Variants in PRKCA observed in about 807,000 individuals in gnomAD.
PRKCA encodes the protein protein kinase C alpha, also known as protein kinase C alpha type.
In PRKCA, 27 loss-of-function variants were observed where a neutral mutation model predicts 87.0. That is an observed-to-expected ratio of 0.31 (90% CI 0.23 to 0.43). The LOEUF is 0.43. Among genes scored for constraint, PRKCA ranks in the 20% least tolerant of loss-of-function variants. The pLI is 1.00. For synonymous variants in PRKCA, 329 were observed against 311.1 expected (o/e 1.06, Z -0.61); for missense variants, 518 against 852.3 (o/e 0.61, Z 4.88).
At chr17:66,406,248 G>A (rs944915422) in intron 2 of PRKCA, among the ~76,000 whole-genome samples, 1 of 152,144 alleles carries the variant, frequency 6.6e-6, no homozygotes, top group Non-Finnish European at 1.5e-5. Flanking sequence ...ACGGGGTGGG[G>A]GAGGGAAAGC....
chr17:66,438,053 C>T (rs1335985012), intron 2 of PRKCA, among the ~76,000 whole-genome samples: 1 of 151,978 alleles, frequency 6.6e-6, no homozygotes, highest in Non-Finnish European at 1.5e-5. Context: ...AACTCCCAAA[C>T]CCTCAAAGAG....
chr17:66,342,428 A>G (rs1177034405), intron 2 of PRKCA, among the ~76,000 whole-genome samples: 1 of 124,532 alleles, frequency 8.0e-6, no homozygotes, highest in East Asian at 2.1e-4. Context: ...TCTCAAAAAA[A>G]ATAAAATAAA....
intron 3 of PRKCA, among the ~76,000 whole-genome samples, chr17:66,623,989 G>A (rs901512315): frequency 6.6e-6 from 1 of 152,154 alleles, no homozygotes; most frequent in Non-Finnish European, 1.5e-5. Context: ...GTAGGGGGCT[G>A]TACCCAAAGA....
chr17:66,558,249 T>G (rs1166854995), intron 3 of PRKCA, among the ~76,000 whole-genome samples: 4 of 152,240 alleles, frequency 2.6e-5, no homozygotes, highest in Non-Finnish European at 5.9e-5. Flanking sequence ...AGCATAAACA[T>G]TTCCCCTCCT....
intron 2 of PRKCA, among the ~76,000 whole-genome samples, chr17:66,410,869 C>A (rs1237652519): frequency 6.6e-6 from 1 of 152,100 alleles, no homozygotes; most frequent in African/African-American, 2.4e-5. Context: ...AGCCACCTTG[C>A]CCAGCCAGGT....
chr17:66,474,359 C>T (rs554101046), intron 2 of PRKCA, among the ~76,000 whole-genome samples: 1 of 152,166 alleles, frequency 6.6e-6, no homozygotes, highest in Non-Finnish European at 1.5e-5. Context: ...CTAAGGAGCT[C>T]TCCTGCCTGA....
intron 2 of PRKCA, among the ~76,000 whole-genome samples, chr17:66,336,141 AG>A (rs1906649218): frequency 6.6e-6 from 1 of 152,234 alleles, no homozygotes; most frequent in Non-Finnish European, 1.5e-5. Context: ...CCTGAAATAT[AG>A]GGAGTGCTTC....
chr17:66,615,956 C>A (rs1970506589), intron 3 of PRKCA, among the ~76,000 whole-genome samples: 1 of 152,200 alleles, frequency 6.6e-6, no homozygotes, highest in Admixed American at 6.5e-5. Flanking sequence ...ACATTCATTG[C>A]TTTTCTCTAG....
At chr17:66,459,896 G>C (rs1317591225) in intron 2 of PRKCA, among the ~76,000 whole-genome samples, 2 of 152,072 alleles carry the variant, frequency 1.3e-5, no homozygotes, top group Non-Finnish European at 2.9e-5. Flanking sequence ...TGTTTGTCAG[G>C]GTTACATGGT....
At chr17:66,307,261 T>C (rs897765086) in intron 2 of PRKCA, among the ~76,000 whole-genome samples, 16 of 152,302 alleles carry the variant, frequency 1.1e-4, no homozygotes, top group African/African-American at 3.8e-4. Flanking sequence ...AATCAAGGGA[T>C]ATTCCTTTTA....
At chr17:66,608,785 C>T (rs552664143) in intron 3 of PRKCA, among the ~76,000 whole-genome samples, 3 of 152,016 alleles carry the variant, frequency 2.0e-5, no homozygotes, top group South Asian at 4.2e-4. Flanking sequence ...AAGAAATAGG[C>T]CAAGAGTTGA....
chr17:66,513,005 T>G (rs761649309), intron 3 of PRKCA, among the ~76,000 whole-genome samples: 11 of 152,336 alleles, frequency 7.2e-5, no homozygotes, highest in Non-Finnish European at 1.5e-4. Context: ...CCTCATTATT[T>G]TCTATTACTT....
chr17:66,620,708 A>G (rs956806790), intron 3 of PRKCA, among the ~76,000 whole-genome samples: 3 of 152,220 alleles, frequency 2.0e-5, no homozygotes, highest in African/African-American at 7.2e-5. Flanking sequence ...AACACAGTGA[A>G]TAGTTTGCAT....
chr17:66,348,439 C>G (rs139882583), intron 2 of PRKCA, among the ~76,000 whole-genome samples: 41 of 152,240 alleles, frequency 2.7e-4, no homozygotes, highest in African/African-American at 9.1e-4. Flanking sequence ...CAAACGTCAA[C>G]ACAAGGAAAA....
chr17:66,428,006 G>A (rs1403745895), intron 2 of PRKCA, among the ~76,000 whole-genome samples: 3 of 152,112 alleles, frequency 2.0e-5, no homozygotes, highest in African/African-American at 7.2e-5. Flanking sequence ...TGCTGTGCTG[G>A]TACTGAGCAA....
intron 16 of PRKCA, among the ~76,000 whole-genome samples, chr17:66,790,112 AT>A (rs1975494959): frequency 6.6e-6 from 1 of 152,180 alleles, no homozygotes; most frequent in Admixed American, 6.5e-5. Context: ...CAGGTGCCCC[AT>A]GAGCAGGCCA....
chr17:66,749,533 C>T (rs1310877344), intron 13 of PRKCA, among the ~76,000 whole-genome samples: 1 of 152,188 alleles, frequency 6.6e-6, no homozygotes, highest in Non-Finnish European at 1.5e-5. Context: ...TTTTTCATGG[C>T]ACTCATCCCC....
At chr17:66,617,103 A>G (rs1970539314) in intron 3 of PRKCA, among the ~76,000 whole-genome samples, 1 of 152,164 alleles carries the variant, frequency 6.6e-6, no homozygotes, top group Non-Finnish European at 1.5e-5. Flanking sequence ...GTCATTCTCA[A>G]TCTTTTAATA....
chr17:66,491,629 A>T (rs1431385550), intron 2 of PRKCA, among the ~76,000 whole-genome samples: 1 of 152,222 alleles, frequency 6.6e-6, no homozygotes, highest in Non-Finnish European at 1.5e-5. Context: ...AAAAAAAGAC[A>T]AAAAACAATA....
Sources: gnomAD v4.1 joint callset for allele counts (sites outside exome capture counted in the v4.1 genomes callset) on GRCh38, gnomAD v4.1.1 for gene constraint, MANE v1.5 for transcripts, NCBI Gene and HGNC (gene_info 2026-07-23, HGNC 2026-07-21) for gene names.